TEP1: variants seen among roughly 807,000 people sequenced by gnomAD.
The protein encoded by TEP1 is telomerase protein component 1.
A neutral mutation model predicts 306.3 loss-of-function variants in TEP1; 241 were observed. That is an observed-to-expected ratio of 0.79 (90% CI 0.71 to 0.88). The LOEUF is 0.88. TEP1 is among the 40% of genes least tolerant of loss of function. The pLI, the probability that TEP1 is intolerant of heterozygous loss-of-function variation, is 0.00. For synonymous variants in TEP1, 1,289 were observed against 1,305.5 expected (o/e 0.99, Z 0.27); for missense variants, 3,051 against 3,276.1 (o/e 0.93, Z 1.68).
In TEP1 at chr14:20,389,734, T is replaced by C; in HGVS notation, c.2341A>G (p.Arg781Gly). The stretch of plus-strand genomic sequence containing the variant: ...ATGCTTTGGCCAAGGAGGATGACCC[T>C]GTCCACCTGTAAGATGAAAAGGGAG... ...SLAGQRVPVD[R>G]VILLGQSMDD... Residue 781 changes from arginine (R) to glycine (G), a missense_variant, in exon 16 of 55, where the codon AGG becomes GGG. Physicochemically the swap from Arg to Gly is moderately radical, Grantham distance 125. This residue lies in a region of TEP1 where 1,507 missense variants were observed against 1,550.5 expected (regional missense o/e 0.97). Coordinates refer to ENST00000262715, the MANE Select transcript of TEP1 (RefSeq NM_007110.5). The C allele has an allele frequency of 6.2e-7, 1 of 1,614,084 alleles. No individual in the cohort carries two copies. Among genetic ancestry groups the C allele is most frequent in the Non-Finnish European group, 8.5e-7 (1 of 1,179,948 alleles).
In TEP1 at chr14:20,397,193, T is replaced by C. The variant is rs151017274; in HGVS notation, c.1550-463A>G. 5.0e-3 allele frequency among the ~76,000 whole-genome samples: 767 copies of C among 152,336 alleles called. 8 individuals carry two copies. Among genetic ancestry groups the C allele is most frequent in the African/African-American group, 0.018 (734 of 41,578 alleles). ...TATTATCTAGTCTAGAGCAAAGGTT[T>C]CTAAACTTTTTAGATGGCCAAAAGA... On this transcript the variant is annotated intron_variant, in intron 9 of 54. Transcript: ENST00000262715.
rs1261257586 is a variant in TEP1, at chr14:20,381,584, C to T, written c.4527G>A (p.Gly1509=). ...AAKRCYGKRP[G]LEDTAHILIA... ...TGAGGATGTGTGCCGTGTCCTCTAG[C>T]CCTGGCCTCTTCCCATAGCAACGTT... is the stretch of plus-strand genomic sequence containing the variant. Residue 1509 remains glycine (G), a synonymous_variant, in exon 31 of 55, where the codon GGG becomes GGA. Transcript: ENST00000262715. The surrounding 1 kb of genome is among the most constrained non-coding windows in gnomAD (Gnocchi z 4.0). The T allele has an allele frequency of 6.2e-7, 1 of 1,613,874 alleles. No individual in the cohort carries two copies. The highest frequency in any genetic ancestry group is 1.1e-5 in the South Asian group (1 of 91,084).
intron 12 of TEP1, among the ~76,000 whole-genome samples, chr14:20,393,133 T>C (rs1259267547): frequency 4.0e-5 from 6 of 151,286 alleles, no homozygotes; most frequent in East Asian, 1.9e-4. Flanking sequence ...AGGAGAATGG[T>C]GTGAACCCAG....
rs1411954504 is a variant in TEP1, at chr14:20,378,480, A to C, written c.5408T>G (p.Leu1803Arg). Residue 1803 changes from leucine to arginine, a missense_variant, in exon 38 of 55, where the codon CTG becomes CGG. Leu to Arg is a moderately radical substitution (Grantham distance 102). Coordinates refer to ENST00000262715, the MANE Select transcript of TEP1 (RefSeq NM_007110.5). ...LAFQHTYPKS[L>R]NCVAFHPEGQ... The stretch of plus-strand genomic sequence containing the variant: ...CTCTGGGTGGAAGGCAACACAGTTC[A>C]GGGACTTGGGGTAGGTGTGCTGGAA... 3.1e-6 allele frequency: 5 copies of C among 1,614,100 alleles called. No homozygotes were observed.
Position 20,374,436 on chromosome 14 carries a change from G to C in TEP1, c.6464C>G (p.Ala2155Gly). 1 of 1,611,780 alleles carries C rather than the reference G, an allele frequency of 6.2e-7. No homozygotes were observed. Among genetic ancestry groups the C allele is most frequent in the Non-Finnish European group, 8.5e-7 (1 of 1,179,286 alleles). The change falls in exon 44 of 55, where the codon GCA (alanine) becomes GGA (glycine). Residue 2155 changes from alanine to glycine, a missense_variant. Physicochemically the swap from Ala to Gly is moderately conservative, Grantham distance 60 (BLOSUM62 0). Around this residue, in one of 3 missense-constraint regions of TEP1, gnomAD observed 1,540 missense variants for 1,705.9 expected, o/e 0.90. Coordinates refer to ENST00000262715, the MANE Select transcript of TEP1 (RefSeq NM_007110.5). ...LGHQSAVSAV[A>G]AVEEHVVSVS... Reference sequence around the variant, plus strand: ...TCTCCATTGCTTTCTCACCACAGCTGCCACAGCGCTCACAGCACTCTGATG... The same window carrying C: ...TCTCCATTGCTTTCTCACCACAGCTCCCACAGCGCTCACAGCACTCTGATG...
intron 1 of TEP1, among the ~76,000 whole-genome samples, chr14:20,410,571 C>T (rs969685307): frequency 3.8e-4 from 58 of 151,202 alleles, no homozygotes; most frequent in African/African-American, 1.4e-3. Context: ...TACAGGCGCC[C>T]GCCACTATGC....
At chr14:20,373,858 T>C (rs1885014102) in intron 44 of TEP1, 48 bp from the exon 45 acceptor site, 3 of 1,589,312 alleles carry the variant, frequency 1.9e-6, no homozygotes, top group African/African-American at 1.3e-5. Flanking sequence ...GAGCAGGACA[T>C]GGGAAACAGA....
At chr14:20,393,578 G>A (rs1877920372) in intron 12 of TEP1, among the ~76,000 whole-genome samples, 1 of 152,196 alleles carries the variant, frequency 6.6e-6, no homozygotes, top group South Asian at 2.1e-4. Context: ...GATCACTTGA[G>A]GTTGGGAGTT....
chr14:20,383,036 A>T, intron 27 of TEP1, 138 bp downstream of exon 27: 1 of 1,055,966 alleles, frequency 9.5e-7, no homozygotes, highest in Non-Finnish European at 1.4e-6. Context: ...TTTTCTTATT[A>T]ACAACTTCCC....
In TEP1 at chr14:20,406,219, T is replaced by C. The variant is rs755916357; in HGVS notation, c.735+14A>G. Reference sequence around the variant, plus strand: ...ACACCATTATTAACCTTCCCCTAACTCTTGAATTTTTACCTTCTTTTCCTG... The same window carrying C: ...ACACCATTATTAACCTTCCCCTAACCCTTGAATTTTTACCTTCTTTTCCTG... On this transcript the variant is annotated intron_variant, in intron 3 of 54. Coordinates refer to ENST00000262715, the MANE Select transcript of TEP1 (RefSeq NM_007110.5). 11 of 1,613,406 alleles carry C rather than the reference T, an allele frequency of 6.8e-6. No homozygotes were observed. In the African/African-American group the frequency reaches 1.3e-4, roughly 20 times the overall value.
rs1884709622 is a variant in TEP1, at chr14:20,369,701, A to T, written c.7396T>A (p.Ser2466Thr). The T allele has an allele frequency of 6.2e-7, 1 of 1,614,082 alleles. No individual in the cohort carries two copies. The highest frequency in any genetic ancestry group is 1.7e-5 in the Admixed American group (1 of 60,020). ...GATTCAGGTTTGGCTTGAGTTATCG[A>T]TATTAGGGTCCTACTAGGATTCTCT... ...NLENPSRTLI[S>T]ITQAKPESES... The change falls in exon 52 of 55, where the codon TCG (serine) becomes ACG (threonine). Residue 2466 changes from serine (S) to threonine (T), a missense_variant. Coordinates refer to ENST00000262715, the MANE Select transcript of TEP1 (RefSeq NM_007110.5).
intron 4 of TEP1, 144 bp downstream of exon 4, chr14:20,405,307 G>A (rs1222169140): frequency 1.8e-6 from 2 of 1,101,646 alleles, no homozygotes; most frequent in Middle Eastern, 3.1e-4. Context: ...ACAGGGACTA[G>A]GCCGCAGACT....
Position 20,383,278 on chromosome 14 carries a change from C to G in TEP1, c.3943G>C (p.Val1315Leu), listed in dbSNP as rs542092282. The G allele has an allele frequency of 6.2e-7, 1 of 1,613,670 alleles. No homozygotes were observed. The highest frequency in any genetic ancestry group is 1.3e-5 in the African/African-American group (1 of 75,054). Reference protein sequence around the residue: ...ETLEQSQGAHVLALGPLEASA... With the variant: ...ETLEQSQGAHLLALGPLEASA... ...GCCTCCAGAGGCCCCAAGGCCAGCACGTGGGCACCCTGGCTCTGCTCAAGG... is the reference window on the plus strand; with the variant it reads ...GCCTCCAGAGGCCCCAAGGCCAGCAGGTGGGCACCCTGGCTCTGCTCAAGG... Residue 1315 changes from valine to leucine, a missense_variant, in exon 27 of 55, where the codon GTG (valine) becomes CTG (leucine). Physicochemically the swap from Val to Leu is conservative, Grantham distance 32. Around this residue, in one of 3 missense-constraint regions of TEP1, gnomAD observed 1,540 missense variants for 1,705.9 expected, o/e 0.90. Transcript: ENST00000262715.
At position 20,373,528 on chromosome 14, in the gene TEP1, T is replaced by A. The variant is rs1306860034; in HGVS notation, c.6660A>T (p.Thr2220=). Residue 2220 remains threonine (T), a synonymous_variant, in exon 46 of 55, where the codon ACA becomes ACT. Transcript: ENST00000262715. ...LVVTVGLDGA[T]RLWHPLLVCQ... The stretch of plus-strand genomic sequence containing the variant: ...TCACCAAGAGTGGATGCCATAACCG[T>A]GTGGCCCCATCTAGCCCGACGGTTA... The A allele has an allele frequency of 6.2e-7, 1 of 1,614,190 alleles. No homozygotes were observed. Among genetic ancestry groups the A allele is most frequent in the Non-Finnish European group, 8.5e-7 (1 of 1,180,012 alleles).
intron 1 of TEP1, among the ~76,000 whole-genome samples, chr14:20,409,692 C>T (rs1879471981): frequency 6.6e-6 from 1 of 152,028 alleles, no homozygotes; most frequent in East Asian, 1.9e-4. Context: ...TACTTAAATT[C>T]TCTGTGTCTC....
chr14:20,390,508 T>TAACCA (rs1877604113), intron 15 of TEP1, among the ~76,000 whole-genome samples, 173 bp downstream of exon 15: 4 of 152,232 alleles, frequency 2.6e-5, no homozygotes, highest in Admixed American at 2.6e-4. Context: ...TCTAGGCAGC[T>TAACCA]GGTTGTTAGA....
Position 20,371,567 on chromosome 14 carries a change from T to C in TEP1, c.7142A>G (p.Asp2381Gly). 4 of 1,606,744 alleles carry C rather than the reference T, an allele frequency of 2.5e-6. No individual in the cohort carries two copies. Among genetic ancestry groups the C allele is most frequent in the Non-Finnish European group, 3.4e-6 (4 of 1,178,522 alleles). The change falls in exon 50 of 55, where the codon GAT (aspartate) becomes GGT (glycine). Residue 2381 changes from aspartate (D) to glycine (G), a missense_variant. Coordinates refer to ENST00000262715, the MANE Select transcript of TEP1 (RefSeq NM_007110.5). Reference protein sequence around the residue: ...GVLTSLDWAPDGHFLILAKAD... With the variant: ...GVLTSLDWAPGGHFLILAKAD... ...TTTGGCCAAGATGAGAAAGTGACCA[T>C]CAGGAGCCCAATCCAGACTTGTCAG...
intron 13 of TEP1, 94 bp downstream of exon 13, chr14:20,391,505 G>T: frequency 7.1e-7 from 1 of 1,401,602 alleles, no homozygotes; most frequent in Non-Finnish European, 9.7e-7. Context: ...CTGAGTGTTT[G>T]CCTGGGAAAA....
chr14:20,411,026 T>G (rs556721945), intron 1 of TEP1, among the ~76,000 whole-genome samples: 1 of 151,874 alleles, frequency 6.6e-6, no homozygotes, highest in Non-Finnish European at 1.5e-5. Context: ...TTCACCATGT[T>G]CATCAGGATG....
Sources: allele counts gnomAD v4.1 joint callset (sites outside exome capture counted in the v4.1 genomes callset), GRCh38; gene constraint gnomAD v4.1.1; regional missense constraint gnomAD v4.1.1; non-coding constraint Gnocchi (gnomAD v3.1); transcripts MANE v1.5; gene names NCBI Gene and HGNC (gene_info 2026-07-23, HGNC 2026-07-21).